Variants in CCDC69 observed in about 807,000 individuals in gnomAD.
CCDC69 encodes the protein coiled-coil domain containing 69.
CCDC69 carries 38 observed loss-of-function variants against 40.3 expected under a neutral mutation model. The ratio of observed to expected loss-of-function variants is 0.94; its 90% CI spans 0.73 to 1.24. CCDC69 has a LOEUF of 1.24. Ranked by LOEUF, CCDC69 falls within the 50% of genes most tolerant of loss-of-function variation. The pLI is 0.00. For missense variants in CCDC69, 389 were observed against 357.9 expected, an observed-to-expected ratio of 1.09 and a Z score of -0.70; for synonymous variants, 141 against 138.9, an observed-to-expected ratio of 1.02 and a Z score of -0.11.
chr5:151,217,038 T>C (rs1753054438), intron 1 of CCDC69, among the ~76,000 whole-genome samples: 1 of 152,156 alleles, frequency 6.6e-6, no homozygotes, highest in African/African-American at 2.4e-5. Context: ...ATGAACTGTA[T>C]ACTTTAAAAT....
intron 1 of CCDC69, among the ~76,000 whole-genome samples, chr5:151,222,146 T>C (rs889989064): frequency 6.6e-6 from 1 of 152,254 alleles, no homozygotes; most frequent in Non-Finnish European, 1.5e-5. Flanking sequence ...TGGGTTCTGC[T>C]CTGTGTTGCT....
chr5:151,202,139 T>C (rs890798280), intron 2 of CCDC69, among the ~76,000 whole-genome samples: 2 of 150,432 alleles, frequency 1.3e-5, no homozygotes, highest in African/African-American at 2.5e-5. Context: ...GAGGAGCACT[T>C]GAGACCAGGA....
At position 151,184,406 on chromosome 5, in the gene CCDC69, C is replaced by T. The variant is rs369963539; in HGVS notation, c.651G>A (p.Thr217=). ...EKNLILEEKI[T]TLQQENEDLH... ...GGTCCTCATTTTCCTGTTGCAGGGT[C>T]GTAATTTTTTCCTCCAATATCAGAT... The change falls in exon 8 of 9, where the codon ACG becomes ACA. Residue 217 remains threonine, a synonymous_variant. Coordinates refer to ENST00000355417, the MANE Select transcript of CCDC69 (RefSeq NM_015621.3). The T allele has an allele frequency of 1.3e-4, 215 of 1,613,914 alleles. 1 individual carries two copies. Among genetic ancestry groups the T allele is most frequent in the Non-Finnish European group, 1.7e-4 (202 of 1,179,928 alleles).
intron 4 of CCDC69, among the ~76,000 whole-genome samples, chr5:151,194,144 T>C (rs534157982): frequency 2.6e-4 from 39 of 152,388 alleles, no homozygotes; most frequent in African/African-American, 8.7e-4. Context: ...GAAGACAGTT[T>C]AGCTGTTTCT....
At chr5:151,191,588 TG>T (rs1752612079) in intron 4 of CCDC69, among the ~76,000 whole-genome samples, 1 of 152,120 alleles carries the variant, frequency 6.6e-6, no homozygotes, top group Non-Finnish European at 1.5e-5. Flanking sequence ...TCCCAACACT[TG>T]GAAATGCACT....
In CCDC69 at chr5:151,214,362, G is replaced by C. The variant is rs548236892; in HGVS notation, c.49-8887C>G. Among the ~76,000 whole-genome samples the C allele has an allele frequency of 1.6e-4, 25 of 152,242 alleles. No individual in the cohort carries two copies. In the South Asian group the frequency reaches 4.8e-3, roughly 29 times the overall value. On this transcript the variant is annotated intron_variant, in intron 1 of 8. Coordinates refer to ENST00000355417, the MANE Select transcript of CCDC69 (RefSeq NM_015621.3). ...CAAGGGGCCCCACTCCAGGGCCTTC[G>C]GGGAGGAAGGGCGGGGCCTAAATGA...
At chr5:151,186,914 C>CT (rs1352514558) in intron 5 of CCDC69, among the ~76,000 whole-genome samples, 1 of 152,152 alleles carries the variant, frequency 6.6e-6, no homozygotes, top group East Asian at 1.9e-4. Flanking sequence ...CATATTTTTC[C>CT]TTTTTCCTCC....
At chr5:151,201,743 C>T in intron 2 of CCDC69, 55 bp from the exon 3 acceptor site, 7 of 1,155,144 alleles carry the variant, frequency 6.1e-6, no homozygotes, top group African/African-American at 1.5e-5. Context: ...AGTGGAAGTA[C>T]AGTCAGAGCT....
At chr5:151,195,439 G>A (rs188664793) in intron 4 of CCDC69, among the ~76,000 whole-genome samples, 6 of 152,128 alleles carry the variant, frequency 3.9e-5, no homozygotes, top group East Asian at 1.9e-4. Flanking sequence ...ACAATTCTTC[G>A]GCTGGGCGAG....
chr5:151,188,123 C>A (rs1561598210), intron 4 of CCDC69, among the ~76,000 whole-genome samples: 1 of 152,134 alleles, frequency 6.6e-6, no homozygotes. Flanking sequence ...CGTCATTCCC[C>A]AAATCAATAC....
intron 1 of CCDC69, among the ~76,000 whole-genome samples, chr5:151,223,001 G>A (rs72792139): frequency 0.16 from 24,965 of 152,170 alleles, 2,152 homozygotes; most frequent in Middle Eastern, 0.22. Context: ...TCTCAAGGGG[G>A]AATGATGATA....
At chr5:151,183,851 A>G (rs1177924005) in intron 8 of CCDC69, among the ~76,000 whole-genome samples, 1 of 152,326 alleles carries the variant, frequency 6.6e-6, no homozygotes, top group East Asian at 1.9e-4. Flanking sequence ...ACTTAGCTAT[A>G]TAATCTTGAA....
chr5:151,197,638 A>G (rs1437526094), intron 4 of CCDC69, among the ~76,000 whole-genome samples: 4 of 152,202 alleles, frequency 2.6e-5, no homozygotes, highest in African/African-American at 9.7e-5. Flanking sequence ...ATTAAATGTC[A>G]CTAATGGTAA....
chr5:151,209,176 C>G (rs141110439), intron 1 of CCDC69, among the ~76,000 whole-genome samples: 10 of 152,344 alleles, frequency 6.6e-5, no homozygotes, highest in Non-Finnish European at 1.5e-4. Context: ...CCTCGGATTT[C>G]TCATGAGGCT....
intron 1 of CCDC69, among the ~76,000 whole-genome samples, chr5:151,210,204 A>G (rs1295757821): frequency 6.6e-6 from 1 of 152,230 alleles, no homozygotes; most frequent in Non-Finnish European, 1.5e-5. Flanking sequence ...TTGAGTGTTT[A>G]AATTGTTTCC....
intron 1 of CCDC69, among the ~76,000 whole-genome samples, chr5:151,213,335 C>T (rs900164555): frequency 6.6e-6 from 1 of 152,116 alleles, no homozygotes; most frequent in Admixed American, 6.5e-5. Flanking sequence ...CAAGCTCTGC[C>T]TCCTGGGTTC....
In CCDC69 at chr5:151,183,410, C is replaced by A. The variant is rs373213677; in HGVS notation, c.*27G>T. ...CCTTGGAAGGAGCTGTGACTTCAGG[C>A]GTCGTGGTGGGCCCAGGCCCTGCAC... is the stretch of plus-strand genomic sequence containing the variant. On this transcript the variant is annotated 3_prime_UTR_variant, in exon 9 of 9. Transcript: ENST00000355417. The A allele has an allele frequency of 2.5e-6, 4 of 1,587,132 alleles. No homozygotes were observed. The South Asian group carries it at 4.6e-5, about 18-fold the overall frequency.
At chr5:151,216,486 G>A (rs1210966627) in intron 1 of CCDC69, among the ~76,000 whole-genome samples, 7 of 144,758 alleles carry the variant, frequency 4.8e-5, no homozygotes, top group African/African-American at 1.8e-4. Flanking sequence ...GTGCGATCTC[G>A]GCTCGCTGCA....
At chr5:151,216,712 G>A (rs1050567271) in intron 1 of CCDC69, among the ~76,000 whole-genome samples, 2 of 152,072 alleles carry the variant, frequency 1.3e-5, no homozygotes, top group Non-Finnish European at 2.9e-5. Context: ...CACCACGCCT[G>A]GCCAATTCTT....
Sources: allele counts gnomAD v4.1 joint callset (sites outside exome capture counted in the v4.1 genomes callset), GRCh38; gene constraint gnomAD v4.1.1; transcripts MANE v1.5; gene names NCBI Gene and HGNC (gene_info 2026-07-23, HGNC 2026-07-21).